DHX30: variants seen among roughly 807,000 people sequenced by gnomAD.
DHX30 encodes ATP-dependent RNA helicase DHX30.
DHX30 carries 4 observed loss-of-function variants against 116.9 expected under a neutral mutation model. The ratio of observed to expected loss-of-function variants is 0.03; its 90% CI spans 0.02 to 0.08. The LOEUF is 0.08. Among genes scored for constraint, DHX30 ranks in the 10% least tolerant of loss-of-function variants. DHX30 has a pLI of 1.00. For missense variants in DHX30, 871 were observed against 1,595.1 expected, an observed-to-expected ratio of 0.55 and a Z score of 7.73; for synonymous variants, 697 against 651.7, an observed-to-expected ratio of 1.07 and a Z score of -1.06.
In DHX30 at chr3:47,847,076, C is replaced by T. The variant is rs1004500303; in HGVS notation, c.1929+75C>T. 5.8e-6 allele frequency: 9 copies of T among 1,548,798 alleles called. No individual in the cohort carries two copies. The highest frequency in any genetic ancestry group is 1.4e-5 in the African/African-American group (1 of 73,746). On this transcript the variant is annotated intron_variant, in intron 11 of 21. Coordinates refer to ENST00000445061, the MANE Select transcript of DHX30 (RefSeq NM_138615.3). The surrounding 1 kb of genome is among the most constrained non-coding windows in gnomAD (Gnocchi z 5.5). ...ATGCCCCTCCTCCCTGGCCCTGGGGCTTGGTGCCTGGGGCAAGTTACCCTC... is the reference window on the plus strand; with the variant it reads ...ATGCCCCTCCTCCCTGGCCCTGGGGTTTGGTGCCTGGGGCAAGTTACCCTC...
In DHX30 at chr3:47,838,806, A is replaced by G. The variant is rs139335368; in HGVS notation, c.367-2071A>G. 4.6e-5 allele frequency among the ~76,000 whole-genome samples: 7 copies of G among 151,798 alleles called. No homozygotes were observed. The East Asian group carries it at 1.4e-3, about 29-fold the overall frequency. On this transcript the variant is annotated intron_variant, in intron 6 of 21. Transcript: ENST00000445061. The stretch of plus-strand genomic sequence containing the variant: ...GTTCTCCCAGCTGCTCACTCATCTC[A>G]CCCACGTCTTTGTTCCTTAGACCCT...
At chr3:47,813,233 C>T (rs1166674873) in intron 3 of DHX30, among the ~76,000 whole-genome samples, 1 of 152,050 alleles carries the variant, frequency 6.6e-6, no homozygotes, top group African/African-American at 2.4e-5. Flanking sequence ...GTCCCAGCTA[C>T]TCGGGAGGCT....
At chr3:47,831,238 G>T (rs1010050907) in intron 6 of DHX30, 1 of 152,124 alleles carries the variant, frequency 6.6e-6, no homozygotes, top group Non-Finnish European at 1.5e-5. Flanking sequence ...AAGGGAAGGG[G>T]AGCTGGTGTG....
At chr3:47,835,606 A>C (rs1049532793) in intron 6 of DHX30, among the ~76,000 whole-genome samples, 6 of 138,080 alleles carry the variant, frequency 4.3e-5, no homozygotes, top group African/African-American at 1.4e-4. Flanking sequence ...CGCCCGGCCA[A>C]TTTTTTTGTA....
intron 6 of DHX30, among the ~76,000 whole-genome samples, chr3:47,833,328 A>T (rs2036946937): frequency 6.6e-6 from 1 of 151,760 alleles, no homozygotes; most frequent in Admixed American, 6.6e-5. Flanking sequence ...AGTTTGAGAC[A>T]AGCCTGGGCA....
chr3:47,847,579 C>T lies in DHX30; in HGVS notation c.2110+43C>T. On this transcript the variant is annotated intron_variant, in intron 13 of 21. Transcript: ENST00000445061. The surrounding 1 kb of genome is among the most constrained non-coding windows in gnomAD (Gnocchi z 5.5). ...GGGACCAGGGACCTTTGGAAACCAG[C>T]CTGACCTCTGTCCTAGGGACTGACC... 3 of 1,526,832 alleles carry T rather than the reference C, an allele frequency of 2.0e-6. No individual in the cohort carries two copies. The African/African-American group carries it at 4.1e-5, about 21-fold the overall frequency. The allele number at this position is 1,526,832 out of a possible 1,614,324, so 94.6% of individuals were successfully genotyped here.
Position 47,827,414 on chromosome 3 carries a change from C to T in DHX30, c.192C>T (p.Ala64=), listed in dbSNP as rs779486496. Residue 64 remains alanine (A), a synonymous_variant, in exon 5 of 22, where the codon GCC becomes GCT. Coordinates refer to ENST00000445061, the MANE Select transcript of DHX30 (RefSeq NM_138615.3). ...KNLLNSVIGR[A]LGISHAKDKL... is the part of the protein sequence containing the mutation. ...TTCTCAACAGTGTGATTGGAAGAGCCCTCGGCATCTCACATGCAAAAGACA... is the reference window on the plus strand; with the variant it reads ...TTCTCAACAGTGTGATTGGAAGAGCTCTCGGCATCTCACATGCAAAAGACA... 6.2e-7 allele frequency: 1 copy of T among 1,613,966 alleles called. No homozygotes were observed. Among genetic ancestry groups the T allele is most frequent in the Non-Finnish European group, 8.5e-7 (1 of 1,179,948 alleles).
rs776649605 is a variant in DHX30, at chr3:47,846,609, C to A, written c.1537C>A (p.Arg513=). 4 of 1,614,134 alleles carry A rather than the reference C, an allele frequency of 2.5e-6. No individual in the cohort carries two copies. In the East Asian group the frequency reaches 8.9e-5, roughly 36 times the overall value. ...VSHELGPSLR[R]NVGFQVRLES... ...CCACGAACTGGGCCCCTCCCTGCGC[C>A]GGAATGTGGGCTTCCAGGTGCGGTT... The change falls in exon 11 of 22, where the codon CGG becomes AGG. Residue 513 remains arginine, a synonymous_variant. Coordinates refer to ENST00000445061, the MANE Select transcript of DHX30 (RefSeq NM_138615.3).
chr3:47,810,575 C>T (rs759028306), intron 2 of DHX30, 82 bp from the exon 3 acceptor site: 11 of 1,102,336 alleles, frequency 1.0e-5, no homozygotes, highest in Non-Finnish European at 1.5e-5. Context: ...CTGAACAGTG[C>T]TCTCCATGTT....
In DHX30 at chr3:47,841,165, C is replaced by A; in HGVS notation, c.655C>A (p.Leu219Ile). ...SMTQQDSHAP[L>I]RDSRGSSFEM... ...GACCCAGCAGGATTCCCACGCTCCACTCAGGGACTCAAGGTACAGATGGAG... is the reference window on the plus strand; with the variant it reads ...GACCCAGCAGGATTCCCACGCTCCAATCAGGGACTCAAGGTACAGATGGAG... Residue 219 changes from leucine to isoleucine, a missense_variant, in exon 7 of 22, where the codon CTC (leucine) becomes ATC (isoleucine). Leu to Ile is a conservative substitution (Grantham distance 5). This residue lies in a region of DHX30 where 109 missense variants were observed against 118.8 expected (regional missense o/e 0.92). Transcript: ENST00000445061. 1 of 1,613,810 alleles carries A rather than the reference C, an allele frequency of 6.2e-7. No individual in the cohort carries two copies. Among genetic ancestry groups the A allele is most frequent in the Non-Finnish European group, 8.5e-7 (1 of 1,179,992 alleles).
intron 3 of DHX30, chr3:47,815,832 G>A (rs2106959877): frequency 1.4e-6 from 1 of 715,378 alleles, no homozygotes; most frequent in Middle Eastern, 7.4e-4. Context: ...TTTCTCTCCA[G>A]GTACATGGTC....
intron 3 of DHX30, chr3:47,817,091 A>G (rs1449821687): frequency 2.4e-6 from 1 of 423,612 alleles, no homozygotes; most frequent in African/African-American, 2.2e-5. Flanking sequence ...ACAAATGAAC[A>G]TCTTTGTAGA....
chr3:47,841,984 G>A (rs2037396220), intron 8 of DHX30: 4 of 533,346 alleles, frequency 7.5e-6, no homozygotes, highest in South Asian at 6.6e-5. Flanking sequence ...CTGGGCGGTG[G>A]ATTGTCAGTG....
At position 47,847,605 on chromosome 3, in the gene DHX30, C is replaced by A; in HGVS notation, c.2110+69C>A. ...CTGACCTCTGTCCTAGGGACTGACCCAACTGGGACTCCAGGGGCCCCGGTT... is the reference window on the plus strand; with the variant it reads ...CTGACCTCTGTCCTAGGGACTGACCAAACTGGGACTCCAGGGGCCCCGGTT... On this transcript the variant is annotated intron_variant, in intron 13 of 21. Coordinates refer to ENST00000445061, the MANE Select transcript of DHX30 (RefSeq NM_138615.3). The surrounding 1 kb of genome is among the most constrained non-coding windows in gnomAD (Gnocchi z 5.5). 1 of 1,478,172 alleles carries A rather than the reference C, an allele frequency of 6.8e-7. No homozygotes were observed. Among genetic ancestry groups the A allele is most frequent in the Non-Finnish European group, 9.1e-7 (1 of 1,101,818 alleles). The allele number at this position is 1,478,172 out of a possible 1,614,324, so 91.6% of individuals were successfully genotyped here. A position where few individuals can be genotyped will look rare whatever the true frequency, so the allele number is the denominator to read the frequency against.
chr3:47,812,767 A>G (rs2035858710), intron 3 of DHX30, among the ~76,000 whole-genome samples: 1 of 149,714 alleles, frequency 6.7e-6, no homozygotes, highest in Admixed American at 6.7e-5. Flanking sequence ...GGGTTCAAGC[A>G]ATTCTCCTGC....
intron 2 of DHX30, among the ~76,000 whole-genome samples, chr3:47,807,958 T>C (rs2035608316): frequency 6.6e-6 from 1 of 151,970 alleles, no homozygotes; most frequent in Non-Finnish European, 1.5e-5. Flanking sequence ...TTGCCCAGCC[T>C]GCAGTGCAGT....
At position 47,847,016 on chromosome 3, in the gene DHX30, C is replaced by T. The variant is rs755605208; in HGVS notation, c.1929+15C>T. The T allele has an allele frequency of 1.9e-6, 3 of 1,600,434 alleles. No homozygotes were observed. The highest frequency in any genetic ancestry group is 2.7e-5 in the African/African-American group (2 of 74,786). On this transcript the variant is annotated intron_variant, in intron 11 of 21. Coordinates refer to ENST00000445061, the MANE Select transcript of DHX30 (RefSeq NM_138615.3). The surrounding 1 kb of genome is among the most constrained non-coding windows in gnomAD (Gnocchi z 5.5). ...GGCACCATGAGGTGAGGGACACCCC[C>T]ATCCCACCCAAGGCTCCTGGCCTTT...
intron 6 of DHX30, among the ~76,000 whole-genome samples, chr3:47,837,728 T>G (rs2037187474): frequency 6.6e-6 from 1 of 152,174 alleles, no homozygotes; most frequent in East Asian, 1.9e-4. Context: ...GCCATTGCAC[T>G]CCAGCCTGGG....
At chr3:47,821,288 G>C (rs2036288610) in intron 4 of DHX30, among the ~76,000 whole-genome samples, 1 of 150,232 alleles carries the variant, frequency 6.7e-6, no homozygotes, top group Admixed American at 6.6e-5. Context: ...TTTTTTTGAT[G>C]GAGTTTCGCT....
Sources: allele counts gnomAD v4.1 joint callset (sites outside exome capture counted in the v4.1 genomes callset), GRCh38; gene constraint gnomAD v4.1.1; regional missense constraint gnomAD v4.1.1; non-coding constraint Gnocchi (gnomAD v3.1); transcripts MANE v1.5; gene names NCBI Gene and HGNC (gene_info 2026-07-23, HGNC 2026-07-21).